GABBR2: variants seen among roughly 807,000 people sequenced by gnomAD.
The protein encoded by GABBR2 is gamma-aminobutyric acid type B receptor subunit 2, also known as G-protein coupled receptor 51.
Under a neutral mutation model 105.6 loss-of-function variants are expected in GABBR2, and 23 were observed. The observed-to-expected ratio is 0.22, with a 90% CI of 0.16 to 0.31. GABBR2 has a LOEUF of 0.31. Among genes scored for constraint, GABBR2 ranks in the 10% least tolerant of loss-of-function variants. The pLI, the probability that GABBR2 is intolerant of heterozygous loss-of-function variation, is 1.00. For missense variants in GABBR2, 734 were observed against 1,245.5 expected, an observed-to-expected ratio of 0.59 and a Z score of 6.18; for synonymous variants, 478 against 499.7, an observed-to-expected ratio of 0.96 and a Z score of 0.58.
At position 98,480,945 on chromosome 9, in the gene GABBR2, T is replaced by G. The variant is rs535772824; in HGVS notation, c.785A>C (p.Lys262Thr). ...LGQFDQNMAA[K>T]VFCCAYEENM... ...TGTTTTACTTACACAACAGAACACT[T>G]TTGCTGCCATATTCTGGTCAAACTG... Residue 262 changes from lysine (K) to threonine (T), a missense_variant, in exon 5 of 19, where the codon AAA becomes ACA. This residue lies in a region of GABBR2 where 370 missense variants were observed against 648.9 expected (regional missense o/e 0.57). Coordinates refer to ENST00000259455, the MANE Select transcript of GABBR2 (RefSeq NM_005458.8). The G allele has an allele frequency of 6.3e-7, 1 of 1,597,764 alleles. No individual in the cohort carries two copies. The highest frequency in any genetic ancestry group is 2.2e-5 in the East Asian group (1 of 44,810).
intron 3 of GABBR2, among the ~76,000 whole-genome samples, chr9:98,505,370 G>A (rs1827487847): frequency 6.6e-6 from 1 of 152,116 alleles, no homozygotes; most frequent in African/African-American, 2.4e-5. Flanking sequence ...TGCTGCACAA[G>A]GGGAATAGCT....
At chr9:98,668,236 G>A (rs1399751814) in intron 1 of GABBR2, among the ~76,000 whole-genome samples, 1 of 29,020 alleles carries the variant, frequency 3.4e-5, no homozygotes. Context: ...CTTTTTCCTG[G>A]GATCCCAACT....
intron 3 of GABBR2, among the ~76,000 whole-genome samples, chr9:98,534,478 T>G (rs560952562): frequency 2.8e-4 from 42 of 152,312 alleles, no homozygotes; most frequent in African/African-American, 9.9e-4. Flanking sequence ...CAGCTGCCCC[T>G]TGCATGGTGC....
chr9:98,654,952 T>G (rs1402600922), intron 1 of GABBR2, among the ~76,000 whole-genome samples: 1 of 152,184 alleles, frequency 6.6e-6, no homozygotes, highest in Non-Finnish European at 1.5e-5. Flanking sequence ...TGAAAAGACC[T>G]GGAGGGTCTT....
At chr9:98,393,622 C>T (rs147624997) in intron 9 of GABBR2, among the ~76,000 whole-genome samples, 120 of 152,374 alleles carry the variant, frequency 7.9e-4, no homozygotes, top group African/African-American at 2.8e-3. Context: ...GTCAGGGGCT[C>T]ATAGCTGAAT....
chr9:98,364,469 C>T (rs1316730268), intron 12 of GABBR2, among the ~76,000 whole-genome samples: 12 of 152,208 alleles, frequency 7.9e-5, no homozygotes, highest in Admixed American at 7.9e-4. Flanking sequence ...TTCTCCTCCT[C>T]CATGAATCTA....
At chr9:98,354,562 T>C (rs1023581301) in intron 13 of GABBR2, among the ~76,000 whole-genome samples, 1 of 152,262 alleles carries the variant, frequency 6.6e-6, no homozygotes, top group African/African-American at 2.4e-5. Context: ...TGCTGCTTCA[T>C]CTTGCACTTT....
chr9:98,382,557 T>C (rs955849674), intron 11 of GABBR2, among the ~76,000 whole-genome samples: 8 of 152,144 alleles, frequency 5.3e-5, no homozygotes, highest in Non-Finnish European at 1.2e-4. Flanking sequence ...CCAGGTGATC[T>C]ACCCGCCTCG....
intron 13 of GABBR2, among the ~76,000 whole-genome samples, chr9:98,355,103 A>G (rs608900): frequency 0.67 from 102,029 of 151,970 alleles, 34,933 homozygotes; most frequent in East Asian, 0.81. Flanking sequence ...AGATGGAGGA[A>G]CAGTGGGTAG....
chr9:98,376,146 TGA>T (rs1227840509), intron 11 of GABBR2, among the ~76,000 whole-genome samples: 1 of 152,188 alleles, frequency 6.6e-6, no homozygotes, highest in Non-Finnish European at 1.5e-5. Context: ...GAAAAAGAAA[TGA>T]GAGCAAGTCT....
intron 13 of GABBR2, among the ~76,000 whole-genome samples, chr9:98,329,080 A>G: frequency 6.6e-6 from 1 of 152,196 alleles, no homozygotes; most frequent in East Asian, 1.9e-4. Flanking sequence ...GCCTGGCCCG[A>G]GTGAAACCCC....
At chr9:98,441,539 T>C (rs1205796458) in intron 7 of GABBR2, among the ~76,000 whole-genome samples, 1 of 152,206 alleles carries the variant, frequency 6.6e-6, no homozygotes, top group Non-Finnish European at 1.5e-5. Flanking sequence ...AGCTAATTTT[T>C]GTATTTTTAG....
In GABBR2 at chr9:98,604,453, C is replaced by T. The variant is rs147685677; in HGVS notation, c.322-26381G>A. ...TAGCCACCAGCCATCCTTTGGGCTC[C>T]GAATGTTTGCTTTTGTTCCAGAAGA... On this transcript the variant is annotated intron_variant, in intron 1 of 18. Coordinates refer to ENST00000259455, the MANE Select transcript of GABBR2 (RefSeq NM_005458.8). Among the ~76,000 whole-genome samples the T allele has an allele frequency of 9.2e-5, 14 of 152,256 alleles. 1 individual carries two copies. The Middle Eastern group carries it at 0.01, about 111-fold the overall frequency.
At chr9:98,663,657 TA>T (rs60374831) in intron 1 of GABBR2, among the ~76,000 whole-genome samples, 2,282 of 130,182 alleles carry the variant, frequency 0.018, 67 homozygotes, top group African/African-American at 0.059. Flanking sequence ...GCTGCCCCAC[TA>T]AAAAAAAAAA....
chr9:98,663,935 C>A (rs569744684), intron 1 of GABBR2, among the ~76,000 whole-genome samples: 5 of 152,292 alleles, frequency 3.3e-5, no homozygotes, highest in Non-Finnish European at 5.9e-5. Flanking sequence ...TACCCAGGGA[C>A]ACAAACATGG....
At chr9:98,464,621 A>G (rs1238514159) in intron 6 of GABBR2, among the ~76,000 whole-genome samples, 2 of 152,194 alleles carry the variant, frequency 1.3e-5, no homozygotes, top group Non-Finnish European at 2.9e-5. Context: ...AGCTCCGAAG[A>G]GACAGCGACC....
chr9:98,689,140 A>T (rs1830654949), intron 1 of GABBR2, among the ~76,000 whole-genome samples: 1 of 152,182 alleles, frequency 6.6e-6, no homozygotes, highest in South Asian at 2.1e-4. Context: ...AAATAGAGAT[A>T]ATGATCAGAT....
intron 1 of GABBR2, among the ~76,000 whole-genome samples, chr9:98,635,753 T>C (rs573803240): frequency 6.6e-5 from 10 of 152,154 alleles, no homozygotes; most frequent in Admixed American, 2.6e-4. Flanking sequence ...GTGGCTGGAG[T>C]ATTTGCAAAT....
chr9:98,636,002 G>C (rs1829870987), intron 1 of GABBR2, among the ~76,000 whole-genome samples: 1 of 152,154 alleles, frequency 6.6e-6, no homozygotes, highest in Non-Finnish European at 1.5e-5. Flanking sequence ...GTGGAGCCTG[G>C]ACTTCTGCAT....
Sources: allele counts gnomAD v4.1 joint callset (sites outside exome capture counted in the v4.1 genomes callset), GRCh38; gene constraint gnomAD v4.1.1; regional missense constraint gnomAD v4.1.1; transcripts MANE v1.5; gene names NCBI Gene and HGNC (gene_info 2026-07-23, HGNC 2026-07-21).